The following ZC3H14 variants were observed in gnomAD, a reference collection of about 807,000 sequenced individuals.
The protein encoded by ZC3H14 is zinc finger CCCH-type containing 14, also known as zinc finger CCCH domain-containing protein 14.
ZC3H14 carries 31 observed loss-of-function variants against 92.4 expected under a neutral mutation model. The observed-to-expected ratio is 0.34, with a 90% CI of 0.25 to 0.45. ZC3H14 has a LOEUF of 0.45. Among genes scored for constraint, ZC3H14 ranks in the 20% least tolerant of loss-of-function variants. The probability of loss-of-function intolerance (pLI) is 1.00; values close to 1 mark genes in which losing one functional copy is unlikely to be tolerated. For synonymous variants in ZC3H14, 321 were observed against 300.9 expected (o/e 1.07, Z -0.69); for missense variants, 781 against 897.3 (o/e 0.87, Z 1.66).
intron 9 of ZC3H14, 81 bp from the exon 10 acceptor site, chr14:88,596,653 C>G: frequency 8.2e-7 from 1 of 1,213,880 alleles, no homozygotes; most frequent in South Asian, 1.2e-5. Flanking sequence ...GTTAAGAACC[C>G]AGAAGGATTG....
At chr14:88,587,832 T>C (rs2139847255) in intron 9 of ZC3H14, among the ~76,000 whole-genome samples, 1 of 152,194 alleles carries the variant, frequency 6.6e-6, no homozygotes, top group Admixed American at 6.5e-5. Flanking sequence ...TGTGCACCTA[T>C]AGTCATGGCT....
intron 10 of ZC3H14, among the ~76,000 whole-genome samples, chr14:88,597,248 A>T (rs990520935): frequency 6.6e-5 from 10 of 152,122 alleles, no homozygotes; most frequent in Non-Finnish European, 1.5e-5. Context: ...AGTGTTCTAG[A>T]GCCACTCTAG....
rs146524023 is a variant in ZC3H14 at position 88,607,122 on chromosome 14, T to A, written c.1748-121T>A. The A allele has an allele frequency of 5.9e-4, 868 of 1,482,442 alleles. 6 individuals are homozygous for A. In the African/African-American group the frequency reaches 0.011, roughly 18 times the overall value. 91.8% of individuals were successfully genotyped at this position (1,482,442 alleles called of 1,614,324 possible). A position where few individuals can be genotyped will look rare whatever the true frequency, so the allele number is the denominator to read the frequency against. ...AATCCCATAATTTGAGCTCACTTAT[T>A]TTATATGACTGTACATTTAACAGAA... On this transcript the variant is annotated intron_variant, in intron 12 of 16. Transcript: ENST00000251038.
rs1454741157 is a variant in ZC3H14, at chr14:88,611,943, G to T, written c.*192G>T. On this transcript the variant is annotated 3_prime_UTR_variant, in exon 17 of 17. Coordinates refer to ENST00000251038, the MANE Select transcript of ZC3H14 (RefSeq NM_024824.5). ...AGTTTATTATGTGGTTTTAACATTG[G>T]GTGTTTTTGTTTTGTTTTTACTATG... 3 of 736,632 alleles carry T rather than the reference G, an allele frequency of 4.1e-6. No homozygotes were observed. The highest frequency in any genetic ancestry group is 3.6e-5 in the African/African-American group (2 of 55,732). 45.6% of individuals were successfully genotyped at this position (736,632 alleles called of 1,614,324 possible). A position where few individuals can be genotyped will look rare whatever the true frequency, so the allele number is the denominator to read the frequency against.
chr14:88,621,048 T>C lies in ZC3H14; in HGVS notation c.*9297T>C, dbSNP rs2088824374. On this transcript the variant is annotated 3_prime_UTR_variant, in exon 17 of 17. Coordinates refer to ENST00000251038, the MANE Select transcript of ZC3H14 (RefSeq NM_024824.5). ...CTGGCAGTTCTTTAAGTACTAGCAA[T>C]TTAGAACTTCCAACTTTTCTTTTTA... 2.0e-6 allele frequency: 3 copies of C among 1,519,264 alleles called. No homozygotes were observed. The highest frequency in any genetic ancestry group is 2.2e-5 in the Admixed American group (1 of 44,536). The allele number at this position is 1,519,264 out of a possible 1,614,324, so 94.1% of individuals were successfully genotyped here. A position where few individuals can be genotyped will look rare whatever the true frequency, so the allele number is the denominator to read the frequency against.
intron 1 of ZC3H14, 51 bp from the exon 2 acceptor site, chr14:88,563,600 G>C (rs763925110): frequency 8.1e-5 from 130 of 1,608,430 alleles, no homozygotes; most frequent in Admixed American, 1.7e-4. Context: ...GTCCGGTCTT[G>C]TTTTCCTAGA....
intron 2 of ZC3H14, among the ~76,000 whole-genome samples, chr14:88,567,595 G>T (rs1447298178): frequency 6.6e-6 from 1 of 152,068 alleles, no homozygotes; most frequent in Non-Finnish European, 1.5e-5. Context: ...GTTTGTTACT[G>T]TGAGTAATTG....
In ZC3H14 at chr14:88,616,753, T is replaced by C. The variant is rs1364795233; in HGVS notation, c.*5002T>C. The C allele has an allele frequency of 6.2e-7, 1 of 1,613,494 alleles. No homozygotes were observed. The highest frequency in any genetic ancestry group is 8.5e-7 in the Non-Finnish European group (1 of 1,179,712). Reference sequence around the variant, plus strand: ...ATTTTTCTGGACATGGGAAGTCAAATAACTTAACCATGCCAAAGTCATCTC... The same window carrying C: ...ATTTTTCTGGACATGGGAAGTCAAACAACTTAACCATGCCAAAGTCATCTC... On this transcript the variant is annotated 3_prime_UTR_variant, in exon 17 of 17. Transcript: ENST00000251038.
chr14:88,587,703 T>A (rs1210255426), intron 9 of ZC3H14, among the ~76,000 whole-genome samples: 3 of 152,148 alleles, frequency 2.0e-5, no homozygotes, highest in Non-Finnish European at 4.4e-5. Context: ...CCCAGCACTT[T>A]AGGAGGCTGA....
intron 9 of ZC3H14, among the ~76,000 whole-genome samples, chr14:88,588,776 C>G (rs1403453614): frequency 6.6e-6 from 1 of 152,120 alleles, no homozygotes; most frequent in African/African-American, 2.4e-5. Flanking sequence ...TTTAATCTGT[C>G]AGTTGTATAT....
chr14:88,563,680 A>AGGAGCTTATGT lies in ZC3H14; in HGVS notation c.67_77dup (p.Asp27GlufsTer14), dbSNP rs2079184838. The AGGAGCTTATGT allele has an allele frequency of 6.2e-7, 1 of 1,614,070 alleles. No homozygotes were observed. Among genetic ancestry groups the AGGAGCTTATGT allele is most frequent in the Admixed American group, 1.7e-5 (1 of 60,014 alleles). ...CCATTAAGGGGAAATTACAAGAATT[A>AGGAGCTTATGT]GGAGCTTATGTTGGTAAGTGTTTTT... On this transcript the variant is annotated frameshift_variant, in exon 2 of 17. Transcript: ENST00000251038. LOFTEE classifies it high-confidence loss of function.
rs758738796 is a variant in ZC3H14 at position 88,618,204 on chromosome 14, C to T, written c.*6453C>T. On this transcript the variant is annotated 3_prime_UTR_variant, in exon 17 of 17. Transcript: ENST00000251038. ...AACTGGCCTTCAAAGTCAGTTCTTG[C>T]CTTGTGAATATATAAGTATTTACCT... 1.2e-6 allele frequency: 2 copies of T among 1,600,092 alleles called. No individual in the cohort carries two copies. The highest frequency in any genetic ancestry group is 1.3e-5 in the African/African-American group (1 of 74,670).
chr14:88,575,971 T>G (rs2081108280), intron 8 of ZC3H14, 31 bp downstream of exon 8: 1 of 1,538,642 alleles, frequency 6.5e-7, no homozygotes, highest in South Asian at 1.1e-5. Flanking sequence ...TTACACTTGG[T>G]AAGACATTTC....
chr14:88,622,122 A>G lies in ZC3H14; in HGVS notation c.*10371A>G, dbSNP rs2089105389. ...TTAGTTTCTGCACAGGAGTGAGAAC[A>G]TGTATTTATCTTTCTGTGCCTGGCT... On this transcript the variant is annotated 3_prime_UTR_variant, in exon 17 of 17. Transcript: ENST00000251038. 4.7e-6 allele frequency: 1 copy of G among 213,546 alleles called. No homozygotes were observed. The highest frequency in any genetic ancestry group is 1.0e-5 in the Non-Finnish European group (1 of 100,334). 13.2% of individuals were successfully genotyped at this position (213,546 alleles called of 1,614,324 possible). A position where few individuals can be genotyped will look rare whatever the true frequency, so the allele number is the denominator to read the frequency against.
intron 9 of ZC3H14, among the ~76,000 whole-genome samples, chr14:88,596,021 T>C (rs1389617734): frequency 6.6e-6 from 1 of 152,156 alleles, no homozygotes; most frequent in Admixed American, 6.5e-5. Context: ...TGGAAAAAAA[T>C]CAGTTCTTTG....
chr14:88,576,989 C>T lies in ZC3H14; in HGVS notation c.1124-996C>T, dbSNP rs1001810937. Reference sequence around the variant, plus strand: ...TGTATTTTTAGTAGAGGCGGGGTTCCACCATGTTGGCCAGGCTGGTCTCGT... The same window carrying T: ...TGTATTTTTAGTAGAGGCGGGGTTCTACCATGTTGGCCAGGCTGGTCTCGT... On this transcript the variant is annotated intron_variant, in intron 8 of 16. Coordinates refer to ENST00000251038, the MANE Select transcript of ZC3H14 (RefSeq NM_024824.5). 3.3e-5 allele frequency among the ~76,000 whole-genome samples: 5 copies of T among 152,024 alleles called. No individual in the cohort carries two copies. The South Asian group carries it at 8.3e-4, about 25-fold the overall frequency.
intron 15 of ZC3H14, among the ~76,000 whole-genome samples, chr14:88,610,470 ACT>A (rs2086428604): frequency 6.6e-6 from 1 of 151,798 alleles, no homozygotes; most frequent in Admixed American, 6.6e-5. Flanking sequence ...GGAATCTCTT[ACT>A]CTGTTAATGG....
rs914974699 is a variant in ZC3H14, at chr14:88,578,081, G to A, written c.1220G>A (p.Arg407Lys). The A allele has an allele frequency of 3.0e-5, 49 of 1,613,988 alleles. No individual in the cohort carries two copies. The highest frequency in any genetic ancestry group is 4.1e-5 in the Non-Finnish European group (48 of 1,179,990). The change falls in exon 9 of 17, where the codon AGA becomes AAA. Residue 407 changes from arginine to lysine, a missense_variant. Physicochemically the swap from Arg to Lys is conservative, Grantham distance 26. Coordinates refer to ENST00000251038, the MANE Select transcript of ZC3H14 (RefSeq NM_024824.5). ...EVVQGQSRTP[R>K]ISPPIKEEET... ...GTCCAGGGACAAAGTAGGACCCCCA[G>A]AATAAGTCCCCCCATTAAAGAAGAG...
intron 12 of ZC3H14, among the ~76,000 whole-genome samples, chr14:88,606,680 TGAGCCGAGATTA>T (rs1196245842): frequency 7.2e-6 from 1 of 139,442 alleles, no homozygotes; most frequent in Non-Finnish European, 1.5e-5. Flanking sequence ...GAGGTTGCAG[TGAGCCGAGATTA>T]CACCACTGGC....
Sources: gnomAD v4.1 joint callset for allele counts (sites outside exome capture counted in the v4.1 genomes callset) on GRCh38, gnomAD v4.1.1 for gene constraint, MANE v1.5 for transcripts, NCBI Gene and HGNC (gene_info 2026-07-23, HGNC 2026-07-21) for gene names.